The following FUT9 variants were observed in gnomAD, a reference collection of about 807,000 sequenced individuals.
The protein encoded by FUT9 is fucosyltransferase 9.
Under a neutral mutation model 29.7 loss-of-function variants are expected in FUT9, and 15 were observed. The ratio of observed to expected loss-of-function variants is 0.51; its 90% CI spans 0.34 to 0.78. FUT9 has a LOEUF of 0.78. Among genes scored for constraint, FUT9 ranks in the 30% least tolerant of loss-of-function variants. The pLI is 0.01. For missense variants in FUT9, 319 were observed against 425.4 expected (o/e 0.75, Z 2.20); for synonymous variants, 169 against 153.7 (o/e 1.10, Z -0.74).
Position 96,197,807 on chromosome 6 carries a change from A to G in FUT9, c.-8-5341A>G, listed in dbSNP as rs17782172. 2.7e-3 allele frequency among the ~76,000 whole-genome samples: 408 copies of G among 152,300 alleles called. 2 individuals carry two copies. Among genetic ancestry groups the G allele is most frequent in the Non-Finnish European group, 3.9e-3 (266 of 68,032 alleles). On this transcript the variant is annotated intron_variant, in intron 2 of 2. Transcript: ENST00000302103. ...GCTGCAATCTGGGAATAATGCCCCA[A>G]GTCACAAATTACAAGCTCAGCTATC...
chr6:96,181,676 A>G (rs974389320), intron 2 of FUT9, among the ~76,000 whole-genome samples: 1 of 151,912 alleles, frequency 6.6e-6, no homozygotes, highest in African/African-American at 2.4e-5. Flanking sequence ...AGAACATACA[A>G]TGTTTGGTTT....
intron 2 of FUT9, among the ~76,000 whole-genome samples, chr6:96,198,087 C>A (rs200717068): frequency 6.6e-6 from 1 of 151,632 alleles, no homozygotes; most frequent in African/African-American, 2.4e-5. Context: ...CATTCTTTAA[C>A]ATTCAGTAGA....
chr6:96,077,159 C>G (rs1182958261), intron 1 of FUT9, among the ~76,000 whole-genome samples: 1 of 152,058 alleles, frequency 6.6e-6, no homozygotes, highest in Non-Finnish European at 1.5e-5. Flanking sequence ...CTTCATTAAT[C>G]AATGCTATTG....
At chr6:96,102,901 G>T (rs1366641764) in intron 1 of FUT9, among the ~76,000 whole-genome samples, 2 of 152,242 alleles carry the variant, frequency 1.3e-5, no homozygotes, top group Non-Finnish European at 2.9e-5. Context: ...TGTGTGACAT[G>T]CTGTGCCAAT....
intron 2 of FUT9, among the ~76,000 whole-genome samples, chr6:96,154,909 G>A (rs1772747057): frequency 1.3e-5 from 2 of 152,186 alleles, no homozygotes; most frequent in South Asian, 4.1e-4. Flanking sequence ...AGGTTTCATG[G>A]ACTGGGGTCA....
chr6:96,016,237 G>C (rs1033156680), intron 1 of FUT9, 25 bp downstream of exon 1: 2 of 152,396 alleles, frequency 1.3e-5, no homozygotes, highest in South Asian at 2.1e-4. Context: ...GAGTGCAGGG[G>C]GTCGGGCGTC....
At chr6:96,082,971 G>T (rs1771262357) in intron 1 of FUT9, among the ~76,000 whole-genome samples, 1 of 151,912 alleles carries the variant, frequency 6.6e-6, no homozygotes, top group African/African-American at 2.4e-5. Context: ...TTAGAAATGA[G>T]AGTTCTTCAA....
In FUT9 at chr6:96,207,731, A is replaced by G. The variant is rs1470834315; in HGVS notation, c.*3496A>G. On this transcript the variant is annotated 3_prime_UTR_variant, in exon 3 of 3. Transcript: ENST00000302103. Reference sequence around the variant, plus strand: ...GTGGACACAAAAAAGGGAACAGACCATTTAAAATGTTTTATTTCAAAATAT... The same window carrying G: ...GTGGACACAAAAAAGGGAACAGACCGTTTAAAATGTTTTATTTCAAAATAT... 3 of 167,034 alleles carry G rather than the reference A, an allele frequency of 1.8e-5. No homozygotes were observed. Among genetic ancestry groups the G allele is most frequent in the Admixed American group, 6.6e-5 (1 of 15,260 alleles). The allele number at this position is 167,034 out of a possible 1,614,324, so 10.3% of individuals were successfully genotyped here.
At chr6:96,091,837 G>A (rs1771416533) in intron 1 of FUT9, among the ~76,000 whole-genome samples, 5 of 152,016 alleles carry the variant, frequency 3.3e-5, no homozygotes, top group Admixed American at 3.3e-4. Flanking sequence ...AGTCCAGATG[G>A]TATTACAAGC....
rs376317880 is a variant in FUT9, at chr6:96,209,518, G to T, written c.*5283G>T. 1 of 166,646 alleles carries T rather than the reference G, an allele frequency of 6.0e-6. No individual in the cohort carries two copies. The allele number at this position is 166,646 out of a possible 1,614,324, so 10.3% of individuals were successfully genotyped here. A position where few individuals can be genotyped will look rare whatever the true frequency, so the allele number is the denominator to read the frequency against. On this transcript the variant is annotated 3_prime_UTR_variant, in exon 3 of 3. Transcript: ENST00000302103. ...ATTTTGAAATATTTTAGAGTTTTCT[G>T]TACTATTCAAACTCTTATTACAAAA...
At chr6:96,038,523 A>T (rs1238421620) in intron 1 of FUT9, among the ~76,000 whole-genome samples, 4 of 152,264 alleles carry the variant, frequency 2.6e-5, no homozygotes, top group South Asian at 4.1e-4. Flanking sequence ...TTATGCTTTT[A>T]AAAAATGTTA....
intron 2 of FUT9, among the ~76,000 whole-genome samples, chr6:96,173,775 AT>A (rs11438567): frequency 3.3e-5 from 5 of 151,584 alleles, no homozygotes; most frequent in African/African-American, 1.2e-4. Flanking sequence ...AATCACACAA[AT>A]TTTTTTTCTC....
At chr6:96,065,571 G>A (rs751170917) in intron 1 of FUT9, among the ~76,000 whole-genome samples, 1 of 151,968 alleles carries the variant, frequency 6.6e-6, no homozygotes, top group Non-Finnish European at 1.5e-5. Flanking sequence ...TAAGCTCCAA[G>A]TCTGTGAACT....
At chr6:96,063,277 C>A (rs1317461664) in intron 1 of FUT9, among the ~76,000 whole-genome samples, 2 of 152,154 alleles carry the variant, frequency 1.3e-5, no homozygotes, top group Non-Finnish European at 2.9e-5. Flanking sequence ...GTTTAATTGG[C>A]TCACGGTTCT....
intron 2 of FUT9, among the ~76,000 whole-genome samples, chr6:96,155,694 G>C (rs567067261): frequency 2.0e-5 from 3 of 151,116 alleles, no homozygotes; most frequent in African/African-American, 7.3e-5. Context: ...AGGAAAGAAA[G>C]AAAAAGAAAA....
chr6:96,027,002 C>G (rs1234689366), intron 1 of FUT9, among the ~76,000 whole-genome samples: 1 of 151,530 alleles, frequency 6.6e-6, no homozygotes, highest in Non-Finnish European at 1.5e-5. Flanking sequence ...TTCAGATATT[C>G]CAGACAATTA....
intron 1 of FUT9, among the ~76,000 whole-genome samples, chr6:96,068,941 C>T (rs1164691617): frequency 6.6e-6 from 1 of 152,120 alleles, no homozygotes; most frequent in Non-Finnish European, 1.5e-5. Flanking sequence ...AATCCAAAGA[C>T]TTTTTGTACG....
intron 2 of FUT9, among the ~76,000 whole-genome samples, chr6:96,114,604 T>C (rs1329045403): frequency 1.3e-5 from 2 of 151,098 alleles, no homozygotes; most frequent in East Asian, 3.9e-4. Flanking sequence ...TACATATGAA[T>C]ATAAGAATAT....
intron 2 of FUT9, among the ~76,000 whole-genome samples, chr6:96,185,519 G>A (rs1427554694): frequency 1.3e-5 from 2 of 152,040 alleles, no homozygotes. Context: ...TTCTTTAATA[G>A]AAGATAAGAG....
Sources: gnomAD v4.1 joint callset for allele counts (sites outside exome capture counted in the v4.1 genomes callset) on GRCh38, gnomAD v4.1.1 for gene constraint, MANE v1.5 for transcripts, NCBI Gene and HGNC (gene_info 2026-07-23, HGNC 2026-07-21) for gene names.